PTPRQ: variants seen among roughly 807,000 people sequenced by gnomAD.
PTPRQ encodes phosphatidylinositol phosphatase PTPRQ.
A neutral mutation model predicts 246.0 loss-of-function variants in PTPRQ; 199 were observed. The observed-to-expected ratio is 0.81, with a 90% confidence interval of 0.72 to 0.91. PTPRQ has a LOEUF of 0.91. PTPRQ is among the 40% of genes least tolerant of loss of function. The pLI, the probability that PTPRQ is intolerant of heterozygous loss-of-function variation, is 0.00. For synonymous variants in PTPRQ, 869 were observed against 853.2 expected (o/e 1.02, Z -0.32); for missense variants, 2,624 against 2,528.4 (o/e 1.04, Z -0.81).
At chr12:80,547,211 G>A (rs1483924449) in intron 24 of PTPRQ, 1 of 153,520 alleles carries the variant, frequency 6.5e-6, no homozygotes, top group Non-Finnish European at 1.4e-5. Context: ...TTCATCAACA[G>A]CTTACCTGCT....
At chr12:80,641,924 CCTCT>C (rs370972941) in intron 35 of PTPRQ, among the ~76,000 whole-genome samples, 42 of 148,046 alleles carry the variant, frequency 2.8e-4, no homozygotes, top group South Asian at 2.2e-3. Context: ...TCCCTCCTTC[CCTCT>C]CTCTCTATTT....
At chr12:80,506,794 TATACAGAGATTTCATTGTCA>T (rs1894975202) in intron 16 of PTPRQ, 124 bp downstream of exon 16, 1 of 667,386 alleles carries the variant, frequency 1.5e-6, no homozygotes, top group Non-Finnish European at 2.3e-6. Flanking sequence ...ATACCAGCGT[TATACAGAGATTTCATTGTCA>T]TGGTATAAAA....
chr12:80,454,514 A>G, intron 3 of PTPRQ: 1 of 702,374 alleles, frequency 1.4e-6, no homozygotes, highest in Non-Finnish European at 2.6e-6. Flanking sequence ...GTTCAATAGG[A>G]TTGGTGAGAG....
chr12:80,477,371 T>A (rs1174820501), intron 8 of PTPRQ, among the ~76,000 whole-genome samples: 1 of 152,206 alleles, frequency 6.6e-6, no homozygotes, highest in Non-Finnish European at 1.5e-5. Flanking sequence ...CATCAAGATT[T>A]CAACTGGCAT....
At chr12:80,596,874 G>T (rs1237826543) in intron 26 of PTPRQ, among the ~76,000 whole-genome samples, 1 of 152,034 alleles carries the variant, frequency 6.6e-6, no homozygotes, top group African/African-American at 2.4e-5. Flanking sequence ...TCCATAGGCT[G>T]CACAGTTAAG....
rs191807606 is a variant in PTPRQ, at chr12:80,448,996, G to A, written c.390+3279G>A. 5.2e-3 allele frequency among the ~76,000 whole-genome samples: 782 copies of A among 151,734 alleles called. 8 individuals carry two copies. Among genetic ancestry groups the A allele is most frequent in the African/African-American group, 0.018 (742 of 41,412 alleles). On this transcript the variant is annotated intron_variant, in intron 3 of 44. Coordinates refer to ENST00000644991, the MANE Select transcript of PTPRQ (RefSeq NM_001145026.2). ...ACTAGTTTACAGTCCCACCAACAGT[G>A]TAAAAGTGTTCCTATTTCTCCATAT... is the stretch of plus-strand genomic sequence containing the variant.
chr12:80,566,349 G>T (rs1896979032), intron 25 of PTPRQ, among the ~76,000 whole-genome samples: 1 of 151,850 alleles, frequency 6.6e-6, no homozygotes. Flanking sequence ...ATGGTGGCAG[G>T]TGCCTGTAGT....
intron 8 of PTPRQ, among the ~76,000 whole-genome samples, chr12:80,481,608 T>C (rs1036854770): frequency 5.3e-5 from 8 of 152,094 alleles, no homozygotes; most frequent in African/African-American, 1.9e-4. Context: ...GATGACATGA[T>C]TGTATATCTA....
intron 4 of PTPRQ, among the ~76,000 whole-genome samples, chr12:80,458,745 T>A (rs1893054945): frequency 6.6e-6 from 1 of 152,024 alleles, no homozygotes; most frequent in Admixed American, 6.6e-5. Context: ...ATTATTATTA[T>A]TACTCTATAT....
At chr12:80,536,147 A>G (rs773998526) in intron 19 of PTPRQ, among the ~76,000 whole-genome samples, 1 of 152,192 alleles carries the variant, frequency 6.6e-6, no homozygotes, top group Non-Finnish European at 1.5e-5. Flanking sequence ...AAATGCTGCA[A>G]TGTACAGAAT....
chr12:80,466,238 A>G (rs960500483), intron 6 of PTPRQ, among the ~76,000 whole-genome samples: 21 of 152,218 alleles, frequency 1.4e-4, no homozygotes, highest in African/African-American at 5.1e-4. Flanking sequence ...CCAAATCATG[A>G]GTGAACTCCC....
In PTPRQ at chr12:80,676,811, A is replaced by T. The variant is rs181541121; in HGVS notation, c.6739-1791A>T. 5.9e-5 allele frequency among the ~76,000 whole-genome samples: 9 copies of T among 152,274 alleles called. No homozygotes were observed. In the East Asian group the frequency reaches 1.7e-3, roughly 29 times the overall value. ...TCATATAGGGGAAGAAAAAGAAAAA[A>T]AGTCAACATATTTTGGATGTCCAGT... On this transcript the variant is annotated intron_variant, in intron 43 of 44. Transcript: ENST00000644991.
intron 6 of PTPRQ, among the ~76,000 whole-genome samples, chr12:80,468,489 A>T (rs1893514596): frequency 6.6e-6 from 1 of 152,204 alleles, no homozygotes; most frequent in Non-Finnish European, 1.5e-5. Context: ...TATTAAATAA[A>T]ATCAGTAATT....
intron 25 of PTPRQ, among the ~76,000 whole-genome samples, chr12:80,562,809 T>C (rs1896866657): frequency 6.6e-6 from 1 of 151,450 alleles, no homozygotes; most frequent in Admixed American, 6.6e-5. Flanking sequence ...AGAAAAACAG[T>C]AGGAAAAATC....
chr12:80,678,232 C>T (rs1901208415), intron 43 of PTPRQ, among the ~76,000 whole-genome samples: 1 of 152,082 alleles, frequency 6.6e-6, no homozygotes. Flanking sequence ...ATTTGTATTC[C>T]AACAGTCATT....
chr12:80,473,641 C>T (rs1893724702), intron 8 of PTPRQ, among the ~76,000 whole-genome samples: 1 of 152,204 alleles, frequency 6.6e-6, no homozygotes, highest in African/African-American at 2.4e-5. Flanking sequence ...TGGACTACAG[C>T]ATGTGACAAA....
rs528065477 is a variant in PTPRQ, at chr12:80,464,054, A to G, written c.910+3152A>G. ...AAATGTAAATGGACTAAATGCTCCA[A>G]TTAAAAGACACAGACTGGCAAATTA... is the stretch of plus-strand genomic sequence containing the variant. On this transcript the variant is annotated intron_variant, in intron 6 of 44. Transcript: ENST00000644991. Among the ~76,000 whole-genome samples the G allele has an allele frequency of 4.9e-3, 750 of 152,204 alleles. 7 individuals are homozygous for G. Among genetic ancestry groups the G allele is most frequent in the African/African-American group, 0.018 (730 of 41,528 alleles).
chr12:80,586,294 A>G (rs533231230), intron 25 of PTPRQ, among the ~76,000 whole-genome samples: 4 of 151,590 alleles, frequency 2.6e-5, no homozygotes, highest in African/African-American at 9.7e-5. Flanking sequence ...CACATGAAAA[A>G]ATGCTCATCA....
chr12:80,457,141 T>A (rs1893005788), intron 3 of PTPRQ, among the ~76,000 whole-genome samples: 2 of 152,142 alleles, frequency 1.3e-5, no homozygotes, highest in Non-Finnish European at 2.9e-5. Flanking sequence ...TTTATTTTTT[T>A]AAAACAGTTT....
Sources: gnomAD v4.1 joint callset for allele counts (sites outside exome capture counted in the v4.1 genomes callset) on GRCh38, gnomAD v4.1.1 for gene constraint, MANE v1.5 for transcripts, NCBI Gene and HGNC (gene_info 2026-07-23, HGNC 2026-07-21) for gene names.